Variants in DLG2 observed in about 807,000 individuals in gnomAD.
The protein encoded by DLG2 is discs large MAGUK scaffold protein 2.
A neutral mutation model predicts 132.5 loss-of-function variants in DLG2; 45 were observed. The observed-to-expected ratio is 0.34, with a 90% CI of 0.27 to 0.44. The LOEUF (loss-of-function observed/expected upper bound fraction) is 0.44, where lower values mean the gene tolerates loss of function less well. DLG2 is among the 20% of genes least tolerant of loss of function. The pLI, the probability that DLG2 is intolerant of heterozygous loss-of-function variation, is 1.00. For missense variants in DLG2, 1,045 were observed against 1,196.9 expected, an observed-to-expected ratio of 0.87 and a Z score of 1.87; for synonymous variants, 424 against 419.6, an observed-to-expected ratio of 1.01 and a Z score of -0.13.
chr11:85,005,271 G>A (rs999076030), intron 6 of DLG2, among the ~76,000 whole-genome samples: 2 of 152,168 alleles, frequency 1.3e-5, no homozygotes, highest in South Asian at 4.1e-4. Flanking sequence ...AAGAAAGTCG[G>A]TGATAGCTTG....
At chr11:85,400,079 T>C (rs1371239122) in intron 3 of DLG2, among the ~76,000 whole-genome samples, 1 of 151,526 alleles carries the variant, frequency 6.6e-6, no homozygotes, top group African/African-American at 2.4e-5. Flanking sequence ...TCAAACAAAT[T>C]TACAAGAAAA....
chr11:85,330,633 C>T (rs1248250284), intron 3 of DLG2, among the ~76,000 whole-genome samples: 3 of 86,430 alleles, frequency 3.5e-5, no homozygotes, highest in African/African-American at 9.1e-5. Flanking sequence ...GTGGTGGGGT[C>T]GGGGGAGGGG....
chr11:84,510,783 A>G (rs941543322), intron 7 of DLG2, among the ~76,000 whole-genome samples: 4 of 152,062 alleles, frequency 2.6e-5, no homozygotes, highest in African/African-American at 9.7e-5. Context: ...TGTATTGAGT[A>G]AATTATTATT....
intron 3 of DLG2, among the ~76,000 whole-genome samples, chr11:85,464,474 C>G (rs2092717106): frequency 6.6e-6 from 1 of 152,094 alleles, no homozygotes; most frequent in Non-Finnish European, 1.5e-5. Context: ...TCCCTGTGAG[C>G]TTAGTCCACC....
chr11:84,172,498 A>T (rs984939018), intron 8 of DLG2, among the ~76,000 whole-genome samples: 1 of 151,148 alleles, frequency 6.6e-6, no homozygotes, highest in Non-Finnish European at 1.5e-5. Flanking sequence ...AAAAATCAGT[A>T]TACTATAATT....
intron 17 of DLG2, among the ~76,000 whole-genome samples, chr11:83,831,764 C>G (rs1203960017): frequency 6.6e-6 from 1 of 152,096 alleles, no homozygotes; most frequent in Non-Finnish European, 1.5e-5. Context: ...TTATGTAACC[C>G]TCCGTTATTA....
intron 9 of DLG2, among the ~76,000 whole-genome samples, chr11:84,153,537 T>TA (rs932647230): frequency 6.6e-5 from 10 of 151,294 alleles, no homozygotes; most frequent in South Asian, 4.2e-4. Context: ...TTTTGCTCAT[T>TA]AAAAAAAAAT....
At position 83,652,159 on chromosome 11, in the gene DLG2, C is replaced by T. The variant is rs2070732681; in HGVS notation, c.1826-18834G>A. Reference sequence around the variant, plus strand: ...GTGTTTTTTTGGTGTGGAATCTTGGCAGCGCAACTGGACCCCAGCTTGGAG... The same window carrying T: ...GTGTTTTTTTGGTGTGGAATCTTGGTAGCGCAACTGGACCCCAGCTTGGAG... On this transcript the variant is annotated intron_variant, in intron 18 of 27. Transcript: ENST00000376104. 3.9e-5 allele frequency: 11 copies of T among 284,250 alleles called. No individual in the cohort carries two copies. In the South Asian group the frequency reaches 3.9e-4, roughly 10 times the overall value. 17.6% of individuals were successfully genotyped at this position (284,250 alleles called of 1,614,324 possible). A position where few individuals can be genotyped will look rare whatever the true frequency, so the allele number is the denominator to read the frequency against.
intron 6 of DLG2, among the ~76,000 whole-genome samples, chr11:84,938,696 C>T (rs913478006): frequency 6.6e-6 from 1 of 152,160 alleles, no homozygotes; most frequent in African/African-American, 2.4e-5. Flanking sequence ...CCACAGCTGG[C>T]CACATCTGCA....
At chr11:84,595,001 T>C (rs761394976) in intron 6 of DLG2, among the ~76,000 whole-genome samples, 2 of 152,174 alleles carry the variant, frequency 1.3e-5, no homozygotes, top group African/African-American at 2.4e-5. Flanking sequence ...TGACCTTTCA[T>C]GCAAAAAGTA....
intron 3 of DLG2, among the ~76,000 whole-genome samples, chr11:85,554,274 T>C (rs2076818705): frequency 6.6e-6 from 1 of 151,434 alleles, no homozygotes. Context: ...GTATTGAACA[T>C]AAAAAATATT....
chr11:84,892,049 T>G (rs2089479077), intron 6 of DLG2, among the ~76,000 whole-genome samples: 1 of 152,216 alleles, frequency 6.6e-6, no homozygotes, highest in Admixed American at 6.5e-5. Context: ...ACCTTATAAC[T>G]GAGTGCTAAC....
At chr11:83,527,619 A>G (rs897628397) in intron 21 of DLG2, among the ~76,000 whole-genome samples, 5 of 152,132 alleles carry the variant, frequency 3.3e-5, no homozygotes, top group African/African-American at 1.2e-4. Context: ...ATTACTTCAA[A>G]TAACAACTAT....
At chr11:85,126,589 T>G (rs2075139377) in intron 5 of DLG2, among the ~76,000 whole-genome samples, 1 of 152,164 alleles carries the variant, frequency 6.6e-6, no homozygotes, top group Non-Finnish European at 1.5e-5. Flanking sequence ...ATGCTCCTCT[T>G]TGCCACTCAA....
intron 7 of DLG2, among the ~76,000 whole-genome samples, chr11:84,474,529 G>A (rs1446884773): frequency 6.6e-6 from 1 of 151,968 alleles, no homozygotes; most frequent in African/African-American, 2.4e-5. Flanking sequence ...TGAGTGTGTT[G>A]AAGCCAACTC....
chr11:83,605,795 A>C (rs10898145), intron 19 of DLG2, among the ~76,000 whole-genome samples: 16,882 of 152,242 alleles, frequency 0.11, 1,530 homozygotes, highest in African/African-American at 0.25. Context: ...GCAGTGTTCC[A>C]CTATTGTCCA....
At chr11:83,821,132 T>C (rs1221156718) in intron 17 of DLG2, among the ~76,000 whole-genome samples, 3 of 152,226 alleles carry the variant, frequency 2.0e-5, no homozygotes, top group Non-Finnish European at 4.4e-5. Context: ...CTGACCTCCA[T>C]ACTAGCTGGA....
intron 3 of DLG2, among the ~76,000 whole-genome samples, chr11:85,475,975 A>C (rs1379892969): frequency 6.6e-6 from 1 of 152,270 alleles, no homozygotes; most frequent in South Asian, 2.1e-4. Flanking sequence ...CTACTAACAA[A>C]CAATCTATAG....
At chr11:83,749,271 C>T (rs556477587) in intron 18 of DLG2, among the ~76,000 whole-genome samples, 18 of 152,256 alleles carry the variant, frequency 1.2e-4, no homozygotes, top group African/African-American at 4.3e-4. Flanking sequence ...ATCCTGATAG[C>T]GTCTCCTTCA....
Sources: allele counts gnomAD v4.1 joint callset (sites outside exome capture counted in the v4.1 genomes callset), GRCh38; gene constraint gnomAD v4.1.1; transcripts MANE v1.5; gene names NCBI Gene and HGNC (gene_info 2026-07-23, HGNC 2026-07-21).